ESRRG: variants seen among roughly 807,000 people sequenced by gnomAD.
ESRRG encodes estrogen related receptor gamma.
Under a neutral mutation model 44.0 loss-of-function variants are expected in ESRRG, and 13 were observed. That is an observed-to-expected ratio of 0.30 (90% CI 0.19 to 0.47). The LOEUF is 0.47. ESRRG is among the 20% of genes least tolerant of loss of function. The pLI is 1.00. For missense variants in ESRRG, 395 were observed against 580.6 expected, an observed-to-expected ratio of 0.68 and a Z score of 3.29; for synonymous variants, 215 against 214.6, an observed-to-expected ratio of 1.00 and a Z score of -0.02.
At chr1:216,577,611 A>G (rs1443445743) in intron 3 of ESRRG, among the ~76,000 whole-genome samples, 1 of 152,042 alleles carries the variant, frequency 6.6e-6, no homozygotes, top group Admixed American at 6.6e-5. Context: ...GCAAAATTCA[A>G]TGCCCTGTAA....
At chr1:217,105,533 C>T (rs538349608) in intron 1 of ESRRG, among the ~76,000 whole-genome samples, 40 of 152,194 alleles carry the variant, frequency 2.6e-4, no homozygotes, top group African/African-American at 8.9e-4. Context: ...GAATGCTGAC[C>T]CTGTGCCTGG....
At chr1:216,836,202 G>A (rs899835117) in intron 2 of ESRRG, among the ~76,000 whole-genome samples, 2 of 151,894 alleles carry the variant, frequency 1.3e-5, no homozygotes, top group African/African-American at 4.8e-5. Flanking sequence ...GAAGGTTTTG[G>A]AGAATGTAAA....
At chr1:216,573,615 C>CACTGTT in intron 3 of ESRRG, among the ~76,000 whole-genome samples, 1 of 151,664 alleles carries the variant, frequency 6.6e-6, no homozygotes, top group African/African-American at 2.4e-5. Flanking sequence ...TAAAGGATGA[C>CACTGTT]AGCCAAATAA....
intron 1 of ESRRG, among the ~76,000 whole-genome samples, chr1:217,014,819 C>T (rs17686927): frequency 0.016 from 2,475 of 152,262 alleles, 33 homozygotes; most frequent in Middle Eastern, 0.027. Flanking sequence ...TTTATTTATT[C>T]TCTACCTTTA....
At chr1:216,921,190 G>C (rs2061790284) in intron 2 of ESRRG, among the ~76,000 whole-genome samples, 1 of 152,116 alleles carries the variant, frequency 6.6e-6, no homozygotes, top group Non-Finnish European at 1.5e-5. Context: ...ACATCACGTA[G>C]ATACCAGACA....
intron 2 of ESRRG, among the ~76,000 whole-genome samples, chr1:216,654,796 A>G (rs941821973): frequency 6.6e-6 from 1 of 152,154 alleles, no homozygotes; most frequent in African/African-American, 2.4e-5. Flanking sequence ...AATTATATGT[A>G]CAGGAAATAA....
chr1:216,706,160 A>G (rs932221127), intron 1 of ESRRG, among the ~76,000 whole-genome samples: 7 of 152,198 alleles, frequency 4.6e-5, no homozygotes, highest in Middle Eastern at 3.4e-3. Flanking sequence ...GGCACTATAC[A>G]TGACGAAGAA....
chr1:216,765,641 CAAAT>C (rs2093036261), intron 2 of ESRRG, among the ~76,000 whole-genome samples: 1 of 151,988 alleles, frequency 6.6e-6, no homozygotes, highest in African/African-American at 2.4e-5. Flanking sequence ...GGTGAGCAAA[CAAAT>C]AGAGGACATA....
chr1:216,797,506 T>G (rs1391864874), intron 2 of ESRRG, among the ~76,000 whole-genome samples: 1 of 152,212 alleles, frequency 6.6e-6, no homozygotes, highest in African/African-American at 2.4e-5. Context: ...CTAACCCACA[T>G]AGTCTGATAA....
intron 2 of ESRRG, among the ~76,000 whole-genome samples, chr1:216,916,491 A>G (rs1254592830): frequency 6.6e-6 from 1 of 152,204 alleles, no homozygotes; most frequent in Non-Finnish European, 1.5e-5. Context: ...TTTACATGGC[A>G]TTTGCCCAGG....
chr1:216,643,479 T>C (rs1023153534), intron 3 of ESRRG, among the ~76,000 whole-genome samples: 8 of 152,194 alleles, frequency 5.3e-5, no homozygotes, highest in African/African-American at 1.9e-4. Context: ...TTTAATTTCA[T>C]AGAGACTGGC....
intron 5 of ESRRG, among the ~76,000 whole-genome samples, chr1:216,521,588 G>A (rs957055172): frequency 2.0e-5 from 3 of 152,054 alleles, no homozygotes; most frequent in African/African-American, 7.2e-5. Context: ...CGTGTAGCCC[G>A]CAGCACCTTC....
chr1:216,752,622 A>G (rs989483127), intron 2 of ESRRG, among the ~76,000 whole-genome samples: 3 of 152,102 alleles, frequency 2.0e-5, no homozygotes, highest in African/African-American at 7.2e-5. Context: ...TGGCCAAATC[A>G]AAGAACTGTT....
intron 1 of ESRRG, among the ~76,000 whole-genome samples, chr1:216,983,686 ATGTG>A (rs6143621): frequency 0.25 from 37,052 of 149,018 alleles, 4,748 homozygotes; most frequent in Admixed American, 0.33. Context: ...GTGCATGTGC[ATGTG>A]TGTGTGTGTG....
chr1:216,765,694 G>C (rs2152366932), intron 2 of ESRRG, among the ~76,000 whole-genome samples: 1 of 152,252 alleles, frequency 6.6e-6, no homozygotes, highest in East Asian at 1.9e-4. Context: ...AAACATGATG[G>C]TGTAGTCAGA....
Position 216,519,198 on chromosome 1 carries a change from T to C in ESRRG, c.1086A>G (p.Glu362=), listed in dbSNP as rs1052728697. 3 of 1,613,854 alleles carry C rather than the reference T, an allele frequency of 1.9e-6. No homozygotes were observed. Among genetic ancestry groups the C allele is most frequent in the Non-Finnish European group, 1.7e-6 (2 of 1,179,820 alleles). Residue 362 remains glutamate (E), a synonymous_variant, in exon 6 of 7, where the codon GAA becomes GAG. Coordinates refer to ENST00000408911, the MANE Select transcript of ESRRG (RefSeq NM_001438.4). ...CTTTGAGGGTGACAAATTCTTCTTT[T>C]TCCAGCTTCATGCTCTTGTATTTCT... ...LVKKYKSMKL[E]KEEFVTLKAI...
At chr1:217,018,900 C>T (rs1560489686) in intron 1 of ESRRG, among the ~76,000 whole-genome samples, 1 of 152,196 alleles carries the variant, frequency 6.6e-6, no homozygotes, top group Non-Finnish European at 1.5e-5. Flanking sequence ...GCATCTACTC[C>T]TCTTCCCAGA....
chr1:216,669,074 G>C (rs1415751897), intron 2 of ESRRG, among the ~76,000 whole-genome samples: 1 of 151,568 alleles, frequency 6.6e-6, no homozygotes, highest in African/African-American at 2.4e-5. Context: ...CTCAAGCTCA[G>C]AGTGTTTTTT....
intron 2 of ESRRG, among the ~76,000 whole-genome samples, chr1:216,810,137 G>GCAGGGCCAAATCACCACTTT (rs2094923714): frequency 6.6e-6 from 1 of 152,084 alleles, no homozygotes; most frequent in Admixed American, 6.6e-5. Context: ...CAGAGAAGCA[G>GCAGGGCCAAATCACCACTTT]CAGGGCCAAA....
Sources: gnomAD v4.1 joint callset for allele counts (sites outside exome capture counted in the v4.1 genomes callset) on GRCh38, gnomAD v4.1.1 for gene constraint, MANE v1.5 for transcripts, NCBI Gene and HGNC (gene_info 2026-07-23, HGNC 2026-07-21) for gene names.